ACACA: variants seen among roughly 807,000 people sequenced by gnomAD.
ACACA encodes acetyl-CoA carboxylase 1.
Under a neutral mutation model 296.1 loss-of-function variants are expected in ACACA, and 103 were observed. The ratio of observed to expected loss-of-function variants is 0.35; its 90% CI spans 0.30 to 0.41. The LOEUF is 0.41. Among genes scored for constraint, ACACA ranks in the 10% least tolerant of loss-of-function variants. The probability of loss-of-function intolerance (pLI) is 1.00; values close to 1 mark genes in which losing one functional copy is unlikely to be tolerated. For synonymous variants in ACACA, 953 were observed against 1,038.6 expected (o/e 0.92, Z 1.58); for missense variants, 1,554 against 2,989.7 (o/e 0.52, Z 11.20).
intron 1 of ACACA, among the ~76,000 whole-genome samples, chr17:37,370,269 G>T (rs2049755438): frequency 1.3e-5 from 2 of 151,898 alleles, no homozygotes; most frequent in South Asian, 4.2e-4. Flanking sequence ...GCTTCCCAAA[G>T]TACTGGGAAT....
intron 2 of ACACA, 150 bp downstream of exon 2, chr17:37,339,654 C>T: frequency 3.3e-6 from 2 of 602,424 alleles, no homozygotes; most frequent in Admixed American, 2.9e-5. Flanking sequence ...CATTGTTAGA[C>T]TCTTTGTTCA....
chr17:37,115,760 G>T (rs2074216163), intron 50 of ACACA, among the ~76,000 whole-genome samples: 1 of 152,052 alleles, frequency 6.6e-6, no homozygotes, highest in Admixed American at 6.6e-5. Flanking sequence ...TTATGAAATG[G>T]ACGTGGGCTC....
rs1273961984 is a variant in ACACA, at chr17:37,088,966, T to C, written c.7000A>G (p.Arg2334Gly). 1 of 1,614,266 alleles carries C rather than the reference T, an allele frequency of 6.2e-7. No homozygotes were observed. The highest frequency in any genetic ancestry group is 8.5e-7 in the Non-Finnish European group (1 of 1,180,048). The change falls in exon 55 of 56, where the codon AGA (arginine) becomes GGA (glycine). Residue 2334 changes from arginine to glycine, a missense_variant. Coordinates refer to ENST00000616317, the MANE Select transcript of ACACA (RefSeq NM_198834.3). The stretch of plus-strand genomic sequence containing the variant: ...CGGATTTGCTTGAGGACGTAGTCTC[T>C]GCTGATGCATTTGATGTTTTCCTCT... Reference protein sequence around the residue: ...VIEENIKCISRDYVLKQIRSL... With the variant: ...VIEENIKCISGDYVLKQIRSL...
At position 37,240,504 on chromosome 17, in the gene ACACA, G is replaced by A; in HGVS notation, c.3093C>T (p.Tyr1031=). The part of the protein sequence containing the change: ...KAVVMDLLRQ[Y]LRVETQFQNG... ...TCTGGAATTGTGTCTCTACTCGCAGGTACTGCCGGAGCAGATCCATCACCA... is the reference window on the plus strand; with the variant it reads ...TCTGGAATTGTGTCTCTACTCGCAGATACTGCCGGAGCAGATCCATCACCA... The change falls in exon 24 of 56, where the codon TAC becomes TAT. Residue 1031 remains tyrosine (Y), a synonymous_variant. Transcript: ENST00000616317. 1.2e-6 allele frequency: 2 copies of A among 1,613,806 alleles called. No homozygotes were observed. Among genetic ancestry groups the A allele is most frequent in the Non-Finnish European group, 1.7e-6 (2 of 1,179,988 alleles).
At position 37,375,988 on chromosome 17, in the gene ACACA, A is replaced by C. The variant is rs1201140747; in HGVS notation, c.38+30274T>G. 4.4e-6 allele frequency: 4 copies of C among 905,946 alleles called. No homozygotes were observed. In the African/African-American group the frequency reaches 6.5e-5, roughly 15 times the overall value. 56.1% of individuals were successfully genotyped at this position (905,946 alleles called of 1,614,324 possible). On this transcript the variant is annotated intron_variant, in intron 1 of 55. Coordinates refer to ENST00000616317, the MANE Select transcript of ACACA (RefSeq NM_198834.3). ...TGGAATCAGAGTCTCTCAGGGTCAA[A>C]CTTGGTTCCAGCTGCGTGTGGTGAA...
At chr17:37,100,484 T>A (rs1351237340) in intron 52 of ACACA, among the ~76,000 whole-genome samples, 1 of 151,770 alleles carries the variant, frequency 6.6e-6, no homozygotes, top group African/African-American at 2.4e-5. Flanking sequence ...TGAGGAAACA[T>A]GCTACAAAAA....
intron 52 of ACACA, among the ~76,000 whole-genome samples, chr17:37,105,877 A>AAAAG (rs929377770): frequency 2.6e-5 from 4 of 151,244 alleles, no homozygotes; most frequent in Admixed American, 1.3e-4. Context: ...AAAAAAAAAA[A>AAAAG]AAAGAAAGAA....
At chr17:37,397,947 G>C (rs1291663807) in intron 1 of ACACA, among the ~76,000 whole-genome samples, 1 of 151,956 alleles carries the variant, frequency 6.6e-6, no homozygotes, top group Non-Finnish European at 1.5e-5. Flanking sequence ...ATGTAAAATG[G>C]GGGCTGGGCG....
In ACACA at chr17:37,283,410, G is replaced by A. The variant is rs779601427; in HGVS notation, c.472-5C>T. On this transcript the variant is annotated splice_polypyrimidine_tract_variant and splice_region_variant and intron_variant, in intron 4 of 55. Transcript: ENST00000616317. ...GCCATTGTTAGCAATAAGAACCTGG[G>A]AGGGGGAAGGAGATGGGAATGGGAA... 3.1e-6 allele frequency: 5 copies of A among 1,614,060 alleles called. No individual in the cohort carries two copies. The highest frequency in any genetic ancestry group is 4.2e-6 in the Non-Finnish European group (5 of 1,179,974).
At chr17:37,259,918 C>T (rs2081370271) in intron 11 of ACACA, among the ~76,000 whole-genome samples, 1 of 145,724 alleles carries the variant, frequency 6.9e-6, no homozygotes, top group Non-Finnish European at 1.5e-5. Context: ...CTCACTCTGT[C>T]TCCTGGGCTG....
At chr17:37,185,494 T>C (rs2077497527) in intron 39 of ACACA, among the ~76,000 whole-genome samples, 1 of 140,828 alleles carries the variant, frequency 7.1e-6, no homozygotes, top group African/African-American at 2.6e-5. Flanking sequence ...CATGTGATCC[T>C]CCCACCTTGG....
At chr17:37,324,783 C>T (rs1159825475) in intron 3 of ACACA, among the ~76,000 whole-genome samples, 2 of 139,480 alleles carry the variant, frequency 1.4e-5, no homozygotes, top group Admixed American at 7.5e-5. Flanking sequence ...TGTGGTGAGC[C>T]GAGATCGCAC....
intron 38 of ACACA, among the ~76,000 whole-genome samples, chr17:37,190,208 T>A (rs2077695709): frequency 6.6e-6 from 1 of 151,932 alleles, no homozygotes; most frequent in East Asian, 1.9e-4. Flanking sequence ...GCAGGCAGAT[T>A]ACTTGAGGTC....
intron 25 of ACACA, among the ~76,000 whole-genome samples, chr17:37,232,675 C>T (rs1179610277): frequency 6.6e-6 from 1 of 152,082 alleles, no homozygotes; most frequent in East Asian, 1.9e-4. Flanking sequence ...TTCTTGATTT[C>T]CAAATCTCTA....
intron 52 of ACACA, among the ~76,000 whole-genome samples, chr17:37,103,638 A>G (rs2073493270): frequency 6.6e-6 from 1 of 152,098 alleles, no homozygotes; most frequent in Non-Finnish European, 1.5e-5. Context: ...AAAAGTCCCT[A>G]TGCAAGTTGG....
chr17:37,174,020 A>ATATATATATATATT (rs552735515), intron 41 of ACACA, among the ~76,000 whole-genome samples: 5 of 16,790 alleles, frequency 3.0e-4, no homozygotes, highest in African/African-American at 5.1e-4. Context: ...ATATATATAT[A>ATATATATATATATT]TTTTTTTTTT....
Position 37,216,189 on chromosome 17 carries a change from C to CGTGTGT in ACACA, c.3683+5529_3683+5534dup, listed in dbSNP as rs1204339625. On this transcript the variant is annotated intron_variant, in intron 29 of 55. Coordinates refer to ENST00000616317, the MANE Select transcript of ACACA (RefSeq NM_198834.3). The stretch of plus-strand genomic sequence containing the variant: ...CACATGTTACATATACATACACACA[C>CGTGTGT]GTGTGTGTGTGTGTGTGTGTATATA... Among the ~76,000 whole-genome samples the CGTGTGT allele has an allele frequency of 7.8e-5, 11 of 141,316 alleles. 1 individual carries two copies. Among genetic ancestry groups the CGTGTGT allele is most frequent in the South Asian group, 4.3e-4 (2 of 4,598 alleles). The allele number at this position is 141,316 out of a possible 152,430, so 92.7% of individuals were successfully genotyped here. A position where few individuals can be genotyped will look rare whatever the true frequency, so the allele number is the denominator to read the frequency against.
chr17:37,280,165 T>TA lies in ACACA; in HGVS notation c.611-2161dup, dbSNP rs758098398. Among the ~76,000 whole-genome samples, 69 of 151,702 alleles carry TA rather than the reference T, an allele frequency of 4.5e-4. 1 individual carries two copies. The East Asian group carries it at 8.9e-3, about 20-fold the overall frequency. ...CTTCAATTTTGTGAGTTTTGTAAGT[T>TA]AAAAAAAAATCTTTAGTATTGTTTT... On this transcript the variant is annotated intron_variant, in intron 5 of 55. Transcript: ENST00000616317.
intron 1 of ACACA, chr17:37,387,124 C>T (rs2050573979): frequency 6.6e-6 from 1 of 151,340 alleles, no homozygotes; most frequent in Admixed American, 6.6e-5. Context: ...TCCCCAAGAG[C>T]ATATATTTGT....
Sources: allele counts gnomAD v4.1 joint callset (sites outside exome capture counted in the v4.1 genomes callset), GRCh38; gene constraint gnomAD v4.1.1; transcripts MANE v1.5; gene names NCBI Gene and HGNC (gene_info 2026-07-23, HGNC 2026-07-21).